IL10RA: variants seen among roughly 807,000 people sequenced by gnomAD.
IL10RA encodes interleukin 10 receptor subunit alpha.
Under a neutral mutation model 29.6 loss-of-function variants are expected in IL10RA, and 18 were observed. That is an observed-to-expected ratio of 0.61 (90% CI 0.42 to 0.90). IL10RA has a LOEUF of 0.90. Ranked by LOEUF, IL10RA falls within the 40% of genes least tolerant of loss-of-function variation. The pLI, the probability that IL10RA is intolerant of heterozygous loss-of-function variation, is 0.00. For missense variants in IL10RA, 634 were observed against 716.6 expected, an observed-to-expected ratio of 0.88 and a Z score of 1.32; for synonymous variants, 292 against 294.1, an observed-to-expected ratio of 0.99 and a Z score of 0.07.
Position 117,999,757 on chromosome 11 carries a change from T to C in IL10RA, c.*116T>C, listed in dbSNP as rs745389478. The C allele has an allele frequency of 2.1e-6, 2 of 943,410 alleles. No homozygotes were observed. Among genetic ancestry groups the C allele is most frequent in the Non-Finnish European group, 3.3e-6 (2 of 599,592 alleles). The allele number at this position is 943,410 out of a possible 1,614,324, so 58.4% of individuals were successfully genotyped here. A position where few individuals can be genotyped will look rare whatever the true frequency, so the allele number is the denominator to read the frequency against. On this transcript the variant is annotated 3_prime_UTR_variant, in exon 7 of 7. Coordinates refer to ENST00000227752, the MANE Select transcript of IL10RA (RefSeq NM_001558.4). ...GGCAGTCTGGGCACTTTTCTGCAAG[T>C]CCACTGGGGCTGGCCCCAGCCAGGC...
At chr11:117,991,475 G>A (rs565587345) in intron 3 of IL10RA, among the ~76,000 whole-genome samples, 12 of 152,094 alleles carry the variant, frequency 7.9e-5, no homozygotes, top group African/African-American at 2.4e-4. Flanking sequence ...TCACCTTGCC[G>A]TGCAATAGGC....
In IL10RA at chr11:117,999,522, A is replaced by G. The variant is rs773137064; in HGVS notation, c.1618A>G (p.Ser540Gly). 12 of 1,614,156 alleles carry G rather than the reference A, an allele frequency of 7.4e-6. No individual in the cohort carries two copies. Among genetic ancestry groups the G allele is most frequent in the Admixed American group, 5.0e-5 (3 of 60,034 alleles). The change falls in exon 7 of 7, where the codon AGC becomes GGC. Residue 540 changes from serine (S) to glycine (G), a missense_variant. Transcript: ENST00000227752. ...CAGTGACCTGGGAATATCTGACTGG[A>G]GCTTTGCCCATGACCTTGCCCCTCT... ...SCSDLGISDW[S>G]FAHDLAPLGC...
chr11:117,987,213 T>A (rs978814200), intron 1 of IL10RA: 3 of 256,704 alleles, frequency 1.2e-5, no homozygotes, highest in Admixed American at 4.9e-5. Context: ...AACTGCTTCT[T>A]CATGACACCA....
chr11:117,992,240 T>C (rs943399555), intron 3 of IL10RA, among the ~76,000 whole-genome samples: 2 of 152,238 alleles, frequency 1.3e-5, no homozygotes, highest in African/African-American at 4.8e-5. Context: ...CTGGATCACA[T>C]GGTAGCTCTA....
Position 117,993,270 on chromosome 11 carries a change from G to A in IL10RA, c.397G>A (p.Glu133Lys). The change falls in exon 4 of 7, where the codon GAG becomes AAG. Residue 133 changes from glutamate to lysine, a missense_variant. Coordinates refer to ENST00000227752, the MANE Select transcript of IL10RA (RefSeq NM_001558.4). Reference sequence around the variant, plus strand: ...TCTGACAGTTGGCAGTGTGAACCTAGAGATCCACAATGGCTTCATCCTCGG... The same window carrying A: ...TCTGACAGTTGGCAGTGTGAACCTAAAGATCCACAATGGCTTCATCCTCGG... ...VTLTVGSVNL[E>K]IHNGFILGKI... The A allele has an allele frequency of 6.2e-7, 1 of 1,614,034 alleles. No homozygotes were observed. The highest frequency in any genetic ancestry group is 8.5e-7 in the Non-Finnish European group (1 of 1,179,986).
chr11:117,997,258 AG>A (rs527886356), intron 6 of IL10RA, among the ~76,000 whole-genome samples: 66 of 152,356 alleles, frequency 4.3e-4, no homozygotes, highest in African/African-American at 1.5e-3. Context: ...TGGAGGGTAA[AG>A]TTCAATTCAA....
rs1565374405 is a variant in IL10RA at position 117,999,876 on chromosome 11, T to C, written c.*235T>C. ...GGTGGCACTGACCTGTTCTGTTGAC[T>C]GGGGCCCTGCAGACTCTGGCAGAGC... On this transcript the variant is annotated 3_prime_UTR_variant, in exon 7 of 7. Transcript: ENST00000227752. 1 of 678,214 alleles carries C rather than the reference T, an allele frequency of 1.5e-6. No homozygotes were observed. The allele number at this position is 678,214 out of a possible 1,614,324, so 42.0% of individuals were successfully genotyped here.
At position 117,987,020 on chromosome 11, in the gene IL10RA, T is replaced by C. The variant is rs374455915; in HGVS notation, c.67+486T>C. ...GCTCCACCTGTAGCCCCCAACTCAC[T>C]CCCACTGCCCCCTGCCTCTCTCCTC... is the stretch of plus-strand genomic sequence containing the variant. On this transcript the variant is annotated intron_variant, in intron 1 of 6. Coordinates refer to ENST00000227752, the MANE Select transcript of IL10RA (RefSeq NM_001558.4). 758 of 409,656 alleles carry C rather than the reference T, an allele frequency of 1.9e-3. 4 individuals are homozygous for C. Among genetic ancestry groups the C allele is most frequent in the African/African-American group, 0.014 (685 of 48,052 alleles). 25.4% of individuals were successfully genotyped at this position (409,656 alleles called of 1,614,324 possible).
At position 117,999,931 on chromosome 11, in the gene IL10RA, G is replaced by T. The variant is rs575222022; in HGVS notation, c.*290G>T. ...AAGGGCAGGGACCTTCTCCCTCCTA[G>T]GAACTCTTTCCTGTATCATAAAGGA... On this transcript the variant is annotated 3_prime_UTR_variant, in exon 7 of 7. Coordinates refer to ENST00000227752, the MANE Select transcript of IL10RA (RefSeq NM_001558.4). The T allele has an allele frequency of 2.8e-5, 17 of 605,602 alleles. No homozygotes were observed. The highest frequency in any genetic ancestry group is 1.5e-4 in the Admixed American group (7 of 46,986). 37.5% of individuals were successfully genotyped at this position (605,602 alleles called of 1,614,324 possible).
At position 117,993,217 on chromosome 11, in the gene IL10RA, C is replaced by T. The variant is rs774896494; in HGVS notation, c.368-24C>T. ...CTCAGCCCTCAAGTCTCATGGTATT[C>T]CCCCCCACCCCAACTCCATTTAGTG... On this transcript the variant is annotated intron_variant, in intron 3 of 6. Transcript: ENST00000227752. The T allele has an allele frequency of 1.2e-5, 20 of 1,603,964 alleles. 1 individual carries two copies. Among genetic ancestry groups the T allele is most frequent in the South Asian group, 3.3e-5 (3 of 90,848 alleles).
Position 117,990,622 on chromosome 11 carries a change from G to A in IL10RA, c.367+1002G>A, listed in dbSNP as rs556251195. ...AAATGCTAAAGTAAATTTCATGGGG[G>A]GATATTGATGACCCTCCCCTGCCAC... On this transcript the variant is annotated intron_variant, in intron 3 of 6. Coordinates refer to ENST00000227752, the MANE Select transcript of IL10RA (RefSeq NM_001558.4). Among the ~76,000 whole-genome samples, 4 of 152,114 alleles carry A rather than the reference G, an allele frequency of 2.6e-5. No homozygotes were observed. In the South Asian group the frequency reaches 8.3e-4, roughly 32 times the overall value.
At chr11:117,997,639 G>A (rs1406655024) in intron 6 of IL10RA, among the ~76,000 whole-genome samples, 1 of 152,242 alleles carries the variant, frequency 6.6e-6, no homozygotes, top group Non-Finnish European at 1.5e-5. Flanking sequence ...GCTCAGTTTA[G>A]ACTCTGGAGA....
intron 6 of IL10RA, among the ~76,000 whole-genome samples, chr11:117,996,974 G>A (rs1227547383): frequency 3.9e-5 from 6 of 152,192 alleles, no homozygotes; most frequent in East Asian, 1.9e-4. Flanking sequence ...TCTGATGATC[G>A]TAGTCATTAC....
rs145605428 is a variant in IL10RA at position 118,000,507 on chromosome 11, C to A, written c.*866C>A. 580 of 454,314 alleles carry A rather than the reference C, an allele frequency of 1.3e-3. No individual in the cohort carries two copies. The highest frequency in any genetic ancestry group is 1.9e-3 in the Non-Finnish European group (436 of 226,790). The allele number at this position is 454,314 out of a possible 1,614,324, so 28.1% of individuals were successfully genotyped here. On this transcript the variant is annotated 3_prime_UTR_variant, in exon 7 of 7. Transcript: ENST00000227752. ...GGTCATAACTCAGCCCTTTGGGCGGCCTCTGGGCTTGGGCACCAGCTCATG... is the reference window on the plus strand; with the variant it reads ...GGTCATAACTCAGCCCTTTGGGCGGACTCTGGGCTTGGGCACCAGCTCATG...
intron 6 of IL10RA, among the ~76,000 whole-genome samples, chr11:117,998,130 C>T (rs1356400658): frequency 3.3e-5 from 5 of 152,128 alleles, no homozygotes; most frequent in East Asian, 1.9e-4. Flanking sequence ...ACCATGTTCG[C>T]GTGAGTCACT....
chr11:117,988,783 C>G (rs989856963), intron 2 of IL10RA, among the ~76,000 whole-genome samples: 2 of 152,132 alleles, frequency 1.3e-5, no homozygotes, highest in African/African-American at 4.8e-5. Context: ...TTCGTTGAGA[C>G]AGCTTCTCGC....
chr11:117,987,149 T>C, intron 1 of IL10RA: 1 of 327,402 alleles, frequency 3.1e-6, no homozygotes, highest in South Asian at 2.5e-5. Flanking sequence ...AGAGACAGAA[T>C]GAAAGAGCCG....
intron 5 of IL10RA, chr11:117,995,375 T>C (rs2134991088): frequency 4.8e-6 from 3 of 622,628 alleles, no homozygotes; most frequent in Middle Eastern, 8.6e-4. Context: ...TTAGCGCATC[T>C]CCTGAGGGAA....
chr11:117,987,982 G>A (rs190748979), intron 1 of IL10RA: 4 of 297,586 alleles, frequency 1.3e-5, no homozygotes, highest in African/African-American at 4.3e-5. Flanking sequence ...CCAAGCCAGG[G>A]TGGGGATCAG....
Sources: gnomAD v4.1 joint callset for allele counts (sites outside exome capture counted in the v4.1 genomes callset) on GRCh38, gnomAD v4.1.1 for gene constraint, MANE v1.5 for transcripts, NCBI Gene and HGNC (gene_info 2026-07-23, HGNC 2026-07-21) for gene names.